Variants in FNDC3A observed in about 807,000 individuals in gnomAD.
The protein encoded by FNDC3A is fibronectin type III domain containing 3A.
In FNDC3A, 32 loss-of-function variants were observed where a neutral mutation model predicts 148.9. That is an observed-to-expected ratio of 0.21 (90% CI 0.16 to 0.29). The LOEUF is 0.29. Among genes scored for constraint, FNDC3A ranks in the 10% least tolerant of loss-of-function variants. The pLI is 1.00. For synonymous variants in FNDC3A, 472 were observed against 473.6 expected (o/e 1.00, Z 0.04); for missense variants, 1,191 against 1,452.8 (o/e 0.82, Z 2.93).
chr13:49,191,477 C>A, intron 19 of FNDC3A, 93 bp downstream of exon 19: 1 of 1,080,588 alleles, frequency 9.3e-7, no homozygotes, highest in Non-Finnish European at 1.3e-6. Context: ...GGCCATTTGG[C>A]TTTAACATAT....
intron 3 of FNDC3A, among the ~76,000 whole-genome samples, chr13:49,087,949 A>C (rs1401060154): frequency 1.3e-5 from 2 of 152,210 alleles, no homozygotes; most frequent in Admixed American, 1.3e-4. Context: ...AGGTGTTGCT[A>C]TCTGCTTTTG....
rs776685237 is a variant in FNDC3A at position 49,197,826 on chromosome 13, T to C, written c.2442T>C (p.Tyr814=). The C allele has an allele frequency of 6.2e-7, 1 of 1,608,878 alleles. No individual in the cohort carries two copies. The highest frequency in any genetic ancestry group is 8.5e-7 in the Non-Finnish European group (1 of 1,178,876). The change falls in exon 21 of 26, where the codon TAT becomes TAC. Residue 814 remains tyrosine (Y), a synonymous_variant. Transcript: ENST00000492622. ...QICYCGPGLS[Y]EIKGLSPATT... ...GTTACTGTGGGCCTGGTCTCAGTTATGAAATAAAAGGACTTTCACCAGCAA... is the reference window on the plus strand; with the variant it reads ...GTTACTGTGGGCCTGGTCTCAGTTACGAAATAAAAGGACTTTCACCAGCAA...
intron 2 of FNDC3A, among the ~76,000 whole-genome samples, chr13:49,067,964 A>G (rs1428942462): frequency 2.6e-5 from 4 of 152,168 alleles, no homozygotes; most frequent in African/African-American, 4.8e-5. Context: ...TAAGAACCAT[A>G]GATTTGTTAG....
At chr13:49,135,898 G>A (rs1882328053) in intron 5 of FNDC3A, among the ~76,000 whole-genome samples, 1 of 151,962 alleles carries the variant, frequency 6.6e-6, no homozygotes, top group African/African-American at 2.4e-5. Context: ...GAGTTATAAG[G>A]GAATTTAGGC....
intron 2 of FNDC3A, among the ~76,000 whole-genome samples, chr13:49,020,528 G>A (rs1873241082): frequency 2.0e-5 from 3 of 152,222 alleles, no homozygotes; most frequent in African/African-American, 7.2e-5. Context: ...CAGGTTTGCT[G>A]TGGCTGTGCG....
intron 2 of FNDC3A, among the ~76,000 whole-genome samples, chr13:49,039,877 G>A (rs1386571523): frequency 6.6e-6 from 1 of 152,024 alleles, no homozygotes; most frequent in East Asian, 1.9e-4. Context: ...ACCATACCCC[G>A]CTAATTTTGT....
At chr13:49,179,036 A>C (rs77029386) in intron 14 of FNDC3A, among the ~76,000 whole-genome samples, 287 of 152,232 alleles carry the variant, frequency 1.9e-3, no homozygotes, top group African/African-American at 6.6e-3. Flanking sequence ...CTCTATTCTT[A>C]CTGTTTTAAA....
intron 2 of FNDC3A, among the ~76,000 whole-genome samples, chr13:49,009,770 C>T (rs957652025): frequency 2.2e-4 from 33 of 152,294 alleles, no homozygotes; most frequent in African/African-American, 6.7e-4. Context: ...TGTGGTTTAG[C>T]AGTTTACTAA....
At chr13:49,158,220 G>C (rs948610464) in intron 8 of FNDC3A, among the ~76,000 whole-genome samples, 2 of 152,128 alleles carry the variant, frequency 1.3e-5, no homozygotes, top group Admixed American at 6.5e-5. Context: ...ATATAATCTC[G>C]TGGTGCGCCG....
At chr13:49,121,391 C>T (rs980104833) in intron 4 of FNDC3A, among the ~76,000 whole-genome samples, 6 of 152,006 alleles carry the variant, frequency 3.9e-5, no homozygotes, top group Admixed American at 2.0e-4. Context: ...CATGAGAAAG[C>T]GGGAAAAATC....
At chr13:49,064,069 G>A (rs905434589) in intron 2 of FNDC3A, among the ~76,000 whole-genome samples, 3 of 152,128 alleles carry the variant, frequency 2.0e-5, no homozygotes, top group East Asian at 1.9e-4. Context: ...GAGGCCAGGC[G>A]TGGTGGCTCA....
chr13:49,192,618 T>G (rs1885942880), intron 19 of FNDC3A, among the ~76,000 whole-genome samples: 1 of 152,136 alleles, frequency 6.6e-6, no homozygotes, highest in Non-Finnish European at 1.5e-5. Flanking sequence ...TATGTCAAAT[T>G]TATATACTTA....
intron 1 of FNDC3A, among the ~76,000 whole-genome samples, chr13:49,001,038 T>G (rs750106912): frequency 2.6e-5 from 4 of 152,030 alleles, no homozygotes; most frequent in Non-Finnish European, 5.9e-5. Context: ...ACAGAGGTAA[T>G]TTTATTTCTT....
chr13:49,094,330 C>G (rs1021092842), intron 3 of FNDC3A, among the ~76,000 whole-genome samples: 2 of 152,008 alleles, frequency 1.3e-5, no homozygotes, highest in Non-Finnish European at 2.9e-5. Context: ...GAAGGCTTTT[C>G]CAATTCATTT....
intron 8 of FNDC3A, among the ~76,000 whole-genome samples, chr13:49,148,727 A>G (rs1883128207): frequency 6.6e-6 from 1 of 152,032 alleles, no homozygotes; most frequent in South Asian, 2.1e-4. Context: ...ATCACTTTTT[A>G]TATTTCTGTG....
At chr13:49,039,399 T>C (rs913231790) in intron 2 of FNDC3A, among the ~76,000 whole-genome samples, 1 of 152,194 alleles carries the variant, frequency 6.6e-6, no homozygotes, top group Non-Finnish European at 1.5e-5. Context: ...TCAGGCTTGC[T>C]TGTCTCTGGT....
chr13:49,023,452 ATATT>A (rs1873473176), intron 2 of FNDC3A, among the ~76,000 whole-genome samples: 2 of 151,438 alleles, frequency 1.3e-5, no homozygotes, highest in African/African-American at 4.8e-5. Flanking sequence ...ATATTTTTAT[ATATT>A]TAATATGTTT....
rs556414272 is a variant in FNDC3A at position 49,206,051 on chromosome 13, A to T, written c.3283-1030A>T. 3.9e-5 allele frequency among the ~76,000 whole-genome samples: 6 copies of T among 152,338 alleles called. No individual in the cohort carries two copies. The East Asian group carries it at 1.2e-3, about 29-fold the overall frequency. The stretch of plus-strand genomic sequence containing the variant: ...AACTAACTGGAGAAACTCAACTGAC[A>T]AGTCATTTAACCCTATGAACCTTGG... On this transcript the variant is annotated intron_variant, in intron 25 of 25. Transcript: ENST00000492622.
At chr13:49,152,543 G>C (rs1405360352) in intron 8 of FNDC3A, among the ~76,000 whole-genome samples, 1 of 151,850 alleles carries the variant, frequency 6.6e-6, no homozygotes, top group African/African-American at 2.4e-5. Context: ...TAAGTTTTAG[G>C]GTGTATGTGC....
Sources: gnomAD v4.1 joint callset for allele counts (sites outside exome capture counted in the v4.1 genomes callset) on GRCh38, gnomAD v4.1.1 for gene constraint, MANE v1.5 for transcripts, NCBI Gene and HGNC (gene_info 2026-07-23, HGNC 2026-07-21) for gene names.